The following SAMD14 variants were observed in gnomAD, a reference collection of about 807,000 sequenced individuals.
SAMD14 encodes sterile alpha motif domain containing 14, also known as sterile alpha motif domain-containing protein 14.
In SAMD14, 27 loss-of-function variants were observed where a neutral mutation model predicts 46.2. The observed-to-expected ratio is 0.58, with a 90% confidence interval of 0.43 to 0.81. The LOEUF (loss-of-function observed/expected upper bound fraction) is 0.81. Ranked by LOEUF, SAMD14 falls within the 30% of genes least tolerant of loss-of-function variation. SAMD14 has a pLI of 0.00. For synonymous variants in SAMD14, 241 were observed against 254.3 expected, an observed-to-expected ratio of 0.95 and a Z score of 0.50; for missense variants, 559 against 582.2, an observed-to-expected ratio of 0.96 and a Z score of 0.41.
Position 50,130,121 on chromosome 17 carries a change from G to A in SAMD14, c.-617C>T, listed in dbSNP as rs1418579723. Among the ~76,000 whole-genome samples the A allele has an allele frequency of 6.6e-6, 1 of 152,066 alleles. No individual in the cohort carries two copies. The highest frequency in any genetic ancestry group is 6.5e-5 in the Admixed American group (1 of 15,282). On this transcript the variant is annotated 5_prime_UTR_variant, in exon 1 of 10. Coordinates refer to ENST00000330175, the MANE Select transcript of SAMD14 (RefSeq NM_001257359.2). The surrounding 1 kb of genome is among the most constrained non-coding windows in gnomAD (Gnocchi z 4.1). ...GAGGAGGCGGCTGGGGCCGGGGAGC[G>A]GAGTTGCAGCTACTTCTCTGCCCGC...
At chr17:50,128,514 C>CACACACA (rs1555563464) in intron 1 of SAMD14, among the ~76,000 whole-genome samples, 37 of 137,426 alleles carry the variant, frequency 2.7e-4, no homozygotes, top group Admixed American at 4.9e-4. Flanking sequence ...ACACACACAC[C>CACACACA]CCCATTCAGC....
rs968724688 is a variant in SAMD14, at chr17:50,129,980, G to A, written c.-476C>T. ...CGCGGCGTCGCGTCGGCAGGGGTCC[G>A]CGGGGGTCTCCGGGGAAGGGGCGTC... On this transcript the variant is annotated 5_prime_UTR_variant, in exon 1 of 10. Coordinates refer to ENST00000330175, the MANE Select transcript of SAMD14 (RefSeq NM_001257359.2). The surrounding 1 kb of genome is among the most constrained non-coding windows in gnomAD (Gnocchi z 5.6). The A allele has an allele frequency of 5.3e-5, 8 of 151,874 alleles. No individual in the cohort carries two copies. Among genetic ancestry groups the A allele is most frequent in the Admixed American group, 2.6e-4 (4 of 15,262 alleles). The allele number at this position is 151,874 out of a possible 1,614,324, so 9.4% of individuals were successfully genotyped here.
At position 50,128,609 on chromosome 17, in the gene SAMD14, A is replaced by G. The variant is rs555065822; in HGVS notation, c.-13+908T>C. Among the ~76,000 whole-genome samples, 182 of 152,204 alleles carry G rather than the reference A, an allele frequency of 1.2e-3. 1 individual carries two copies. The highest frequency in any genetic ancestry group is 1.9e-3 in the Non-Finnish European group (132 of 67,994). On this transcript the variant is annotated intron_variant, in intron 1 of 9. Transcript: ENST00000330175. ...CTTCCAATCCTGGAGAAGGAGCACC[A>G]ATGACCTTTGACCCTTCTCTGGGAG...
At position 50,115,893 on chromosome 17, in the gene SAMD14, C is replaced by A; in HGVS notation, c.599G>T (p.Arg200Leu). Residue 200 changes from arginine to leucine, a missense_variant, in exon 6 of 10, where the codon CGC becomes CTC. Transcript: ENST00000330175. This position sits in a 1 kb window ranked among gnomAD's most constrained non-coding sequence, Gnocchi z 5.3. ...CCGGCTCTTGCCCGTGGATGCTCGG[C>A]GCAGGGTGACCCTGTGGGGAGGCAG... ...RKFLDLGVTL[R>L]RASTGKSRKE... 1 of 1,613,232 alleles carries A rather than the reference C, an allele frequency of 6.2e-7. No individual in the cohort carries two copies. The highest frequency in any genetic ancestry group is 8.5e-7 in the Non-Finnish European group (1 of 1,179,678).
At position 50,115,469 on chromosome 17, in the gene SAMD14, G is replaced by A; in HGVS notation, c.822+95C>T. 2 of 1,323,780 alleles carry A rather than the reference G, an allele frequency of 1.5e-6. No homozygotes were observed. Among genetic ancestry groups the A allele is most frequent in the Non-Finnish European group, 2.1e-6 (2 of 969,694 alleles). The allele number at this position is 1,323,780 out of a possible 1,614,324, so 82.0% of individuals were successfully genotyped here. A position where few individuals can be genotyped will look rare whatever the true frequency, so the allele number is the denominator to read the frequency against. ...CCATGGATGGACAAATTGATTCCAGGAATGTCTGAATCCCAGCCTGAGCCA... is the reference window on the plus strand; with the variant it reads ...CCATGGATGGACAAATTGATTCCAGAAATGTCTGAATCCCAGCCTGAGCCA... On this transcript the variant is annotated intron_variant, in intron 7 of 9. Coordinates refer to ENST00000330175, the MANE Select transcript of SAMD14 (RefSeq NM_001257359.2). The surrounding 1 kb of genome is among the most constrained non-coding windows in gnomAD (Gnocchi z 5.3).
At position 50,115,750 on chromosome 17, in the gene SAMD14, G is replaced by T; in HGVS notation, c.663-27C>A. 1 of 1,612,612 alleles carries T rather than the reference G, an allele frequency of 6.2e-7. No homozygotes were observed. Reference sequence around the variant, plus strand: ...TGCAGAGAGAGTGTCCAGCATGGGTGTGGGTACAGAGGGGAGGACCAGAGC... The same window carrying T: ...TGCAGAGAGAGTGTCCAGCATGGGTTTGGGTACAGAGGGGAGGACCAGAGC... On this transcript the variant is annotated intron_variant, in intron 6 of 9. Coordinates refer to ENST00000330175, the MANE Select transcript of SAMD14 (RefSeq NM_001257359.2). The surrounding 1 kb of genome is among the most constrained non-coding windows in gnomAD (Gnocchi z 5.3).
At chr17:50,116,924 T>C (rs1423563664) in intron 4 of SAMD14, among the ~76,000 whole-genome samples, 2 of 152,134 alleles carry the variant, frequency 1.3e-5, no homozygotes, top group Non-Finnish European at 2.9e-5. Flanking sequence ...GGAGTGATCA[T>C]AGCTCACTGC....
chr17:50,126,080 C>G (rs746351756), intron 1 of SAMD14, among the ~76,000 whole-genome samples: 1 of 152,074 alleles, frequency 6.6e-6, no homozygotes, highest in African/African-American at 2.4e-5. Flanking sequence ...TGAGGAAGCC[C>G]AGGGGCCATT....
At chr17:50,123,375 G>A (rs764991800) in intron 2 of SAMD14, among the ~76,000 whole-genome samples, 60 of 152,188 alleles carry the variant, frequency 3.9e-4, no homozygotes, top group Non-Finnish European at 5.1e-4. Context: ...TTGGCCAAGG[G>A]GACAGAGGGA....
intron 7 of SAMD14, 170 bp from the exon 8 acceptor site, chr17:50,114,476 A>G (rs1598222525): frequency 1.3e-6 from 2 of 1,591,424 alleles, no homozygotes; most frequent in East Asian, 2.3e-5. Flanking sequence ...GTCAGGCATC[A>G]GGACCTGAAG....
intron 2 of SAMD14, 69 bp from the exon 3 acceptor site, chr17:50,118,396 C>T: frequency 6.4e-7 from 1 of 1,559,362 alleles, no homozygotes; most frequent in Non-Finnish European, 8.7e-7. Context: ...AGGCCCACCT[C>T]AGGGGCCACC....
rs1404486514 is a variant in SAMD14 at position 50,112,284 on chromosome 17, C to T, written c.*609G>A. ...CTTGAGTCCTGGCAAAGACTGCACTCGCCCCAGGCTGCTTTCTCTGCGCTC... is the reference window on the plus strand; with the variant it reads ...CTTGAGTCCTGGCAAAGACTGCACTTGCCCCAGGCTGCTTTCTCTGCGCTC... On this transcript the variant is annotated 3_prime_UTR_variant, in exon 10 of 10. Transcript: ENST00000330175. 1.3e-5 allele frequency: 2 copies of T among 151,898 alleles called. No individual in the cohort carries two copies. Among genetic ancestry groups the T allele is most frequent in the East Asian group, 2.0e-4 (1 of 5,120 alleles). 9.4% of individuals were successfully genotyped at this position (151,898 alleles called of 1,614,324 possible).
At position 50,110,182 on chromosome 17, in the gene SAMD14, G is replaced by A; in HGVS notation, c.*2711C>T. 7.1e-7 allele frequency: 1 copy of A among 1,417,526 alleles called. No homozygotes were observed. The allele number at this position is 1,417,526 out of a possible 1,614,324, so 87.8% of individuals were successfully genotyped here. The stretch of plus-strand genomic sequence containing the variant: ...GGTGCCCCTCACCATCCTCCTGGGG[G>A]AGCAGGGGGTGGGTTCTCCCTGATG... On this transcript the variant is annotated 3_prime_UTR_variant, in exon 10 of 10. Coordinates refer to ENST00000330175, the MANE Select transcript of SAMD14 (RefSeq NM_001257359.2).
At chr17:50,125,401 T>A (rs141299248) in intron 1 of SAMD14, 256 of 177,370 alleles carry the variant, frequency 1.4e-3, no homozygotes, top group Non-Finnish European at 2.1e-3. Flanking sequence ...AATCCTCTCA[T>A]GTTACAAATG....
chr17:50,111,020 G>C lies in SAMD14; in HGVS notation c.*1873C>G, dbSNP rs1910805342. On this transcript the variant is annotated 3_prime_UTR_variant, in exon 10 of 10. Transcript: ENST00000330175. ...CCTCCCAGTGGCTGTGGCAGTGACA[G>C]TGACACCCACACCCACAGTAAAGAG... 1 of 152,264 alleles carries C rather than the reference G, an allele frequency of 6.6e-6. No individual in the cohort carries two copies. Among genetic ancestry groups the C allele is most frequent in the South Asian group, 2.1e-4 (1 of 4,836 alleles). The allele number at this position is 152,264 out of a possible 1,614,324, so 9.4% of individuals were successfully genotyped here.
intron 4 of SAMD14, 135 bp from the exon 5 acceptor site, chr17:50,116,225 T>C (rs1009387306): frequency 7.2e-6 from 10 of 1,385,534 alleles, no homozygotes; most frequent in Non-Finnish European, 8.6e-6. Flanking sequence ...ACTAGCTGGG[T>C]GTCCTAGGAT....
At position 50,112,825 on chromosome 17, in the gene SAMD14, C is replaced by T. The variant is rs371264982; in HGVS notation, c.*68G>A. ...AGTGCAGCGCCCAGGTCCAGCCTCCCTGGTGAGGCCTGTGCCCGCGGAGCC... is the reference window on the plus strand; with the variant it reads ...AGTGCAGCGCCCAGGTCCAGCCTCCTTGGTGAGGCCTGTGCCCGCGGAGCC... On this transcript the variant is annotated 3_prime_UTR_variant, in exon 10 of 10. Transcript: ENST00000330175. 2.2e-5 allele frequency: 34 copies of T among 1,539,622 alleles called. 1 individual carries two copies. In the African/African-American group the frequency reaches 3.4e-4, roughly 16 times the overall value.
Position 50,117,695 on chromosome 17 carries a change from C to T in SAMD14, c.211G>A (p.Val71Met). Reference sequence around the variant, plus strand: ...AGGGGGCTCCCGCAGCCATCGGTCACCTGGACGAGGGGGCAGCCGCTCACC... The same window carrying T: ...AGGGGGCTCCCGCAGCCATCGGTCATCTGGACGAGGGGGCAGCCGCTCACC... ...GEGSDGPGGKVTDGCGSPLHR... is the reference protein window; with the variant it reads ...GEGSDGPGGKMTDGCGSPLHR... Residue 71 changes from valine (V) to methionine (M), a missense_variant and splice_region_variant, in exon 4 of 10, where the codon GTG becomes ATG. Val to Met is a conservative substitution (Grantham distance 21, BLOSUM62 1). Transcript: ENST00000330175. 6.9e-7 allele frequency: 1 copy of T among 1,445,222 alleles called. No individual in the cohort carries two copies. The highest frequency in any genetic ancestry group is 9.1e-7 in the Non-Finnish European group (1 of 1,104,908). The allele number at this position is 1,445,222 out of a possible 1,614,324, so 89.5% of individuals were successfully genotyped here.
intron 4 of SAMD14, 135 bp downstream of exon 4, chr17:50,117,272 G>A: frequency 1.2e-6 from 1 of 831,540 alleles, no homozygotes; most frequent in East Asian, 3.4e-5. Context: ...ATGAGTGAGC[G>A]GCGGCGTTTA....
Sources: gnomAD v4.1 joint callset for allele counts (sites outside exome capture counted in the v4.1 genomes callset) on GRCh38, gnomAD v4.1.1 for gene constraint, Gnocchi (gnomAD v3.1) non-coding constraint, MANE v1.5 for transcripts, NCBI Gene and HGNC (gene_info 2026-07-23, HGNC 2026-07-21) for gene names.